Variants in PPP2R2A observed in about 807,000 individuals in gnomAD.
PPP2R2A encodes serine/threonine-protein phosphatase 2A 55 kDa regulatory subunit B alpha isoform.
A neutral mutation model predicts 53.2 loss-of-function variants in PPP2R2A; 9 were observed. That is an observed-to-expected ratio of 0.17 (90% confidence interval 0.10 to 0.30). The LOEUF (loss-of-function observed/expected upper bound fraction) is 0.30, where lower values mean the gene tolerates loss of function less well. Among genes scored for constraint, PPP2R2A ranks in the 10% least tolerant of loss-of-function variants. PPP2R2A has a pLI of 1.00. For missense variants in PPP2R2A, 235 were observed against 534.6 expected (o/e 0.44, Z 5.53); for synonymous variants, 169 against 174.2 (o/e 0.97, Z 0.23).
chr8:26,302,332 A>G (rs1042826169), intron 2 of PPP2R2A, among the ~76,000 whole-genome samples: 2 of 152,232 alleles, frequency 1.3e-5, no homozygotes, highest in Non-Finnish European at 2.9e-5. Flanking sequence ...CAGCCTCCCA[A>G]TACTTAAAAT....
rs1805050760 is a variant in PPP2R2A at position 26,360,912 on chromosome 8, C to T, written c.460-62C>T. 6.8e-7 allele frequency: 1 copy of T among 1,464,224 alleles called. No individual in the cohort carries two copies. Among genetic ancestry groups the T allele is most frequent in the East Asian group, 2.4e-5 (1 of 41,680 alleles). 90.7% of individuals were successfully genotyped at this position (1,464,224 alleles called of 1,614,324 possible). ...ACTGAAATAATGAAGTTTTCTGAATCTTAATTGCTATTTGAAACTGAGCCT... is the reference window on the plus strand; with the variant it reads ...ACTGAAATAATGAAGTTTTCTGAATTTTAATTGCTATTTGAAACTGAGCCT... On this transcript the variant is annotated intron_variant, in intron 5 of 9. Transcript: ENST00000380737. This position sits in a 1 kb window ranked among gnomAD's most constrained non-coding sequence, Gnocchi z 4.5.
chr8:26,327,748 C>T (rs554720688), intron 2 of PPP2R2A, among the ~76,000 whole-genome samples: 3 of 152,162 alleles, frequency 2.0e-5, no homozygotes, highest in South Asian at 2.1e-4. Context: ...GAAATTGGTG[C>T]CTTTGAAAAG....
rs1192319186 is a variant in PPP2R2A, at chr8:26,371,760, C to G, written c.*1347C>G. The G allele has an allele frequency of 1.3e-5, 2 of 152,182 alleles. No homozygotes were observed. Among genetic ancestry groups the G allele is most frequent in the Non-Finnish European group, 2.9e-5 (2 of 68,022 alleles). The allele number at this position is 152,182 out of a possible 1,614,324, so 9.4% of individuals were successfully genotyped here. On this transcript the variant is annotated 3_prime_UTR_variant, in exon 10 of 10. Coordinates refer to ENST00000380737, the MANE Select transcript of PPP2R2A (RefSeq NM_002717.4). ...AAAAGTGCTTAATGAACTCCAACAG[C>G]TGCCTCAAATAAAAATCTGTATATG...
chr8:26,353,206 G>A (rs922768653), intron 3 of PPP2R2A, among the ~76,000 whole-genome samples: 1 of 152,154 alleles, frequency 6.6e-6, no homozygotes, highest in African/African-American at 2.4e-5. Context: ...TGAGACCAAG[G>A]CTCTGAGTCT....
intron 2 of PPP2R2A, among the ~76,000 whole-genome samples, chr8:26,294,662 C>G (rs1563278411): frequency 6.6e-6 from 1 of 151,812 alleles, no homozygotes; most frequent in Non-Finnish European, 1.5e-5. Flanking sequence ...ACCTTTTTTC[C>G]CTAGATTGTG....
rs1801411173 is a variant in PPP2R2A at position 26,293,675 on chromosome 8, G to A, written c.17G>A (p.Gly6Glu). 6.2e-7 allele frequency: 1 copy of A among 1,612,112 alleles called. No individual in the cohort carries two copies. Among genetic ancestry groups the A allele is most frequent in the Non-Finnish European group, 8.5e-7 (1 of 1,179,284 alleles). Residue 6 changes from glycine to glutamate, a missense_variant, in exon 2 of 10, where the codon GGA becomes GAA. By Grantham distance (98) the Gly-to-Glu change is moderately conservative (BLOSUM62 -2). This residue lies in a region of PPP2R2A where 51 missense variants were observed against 80.6 expected (regional missense o/e 0.63). Coordinates refer to ENST00000380737, the MANE Select transcript of PPP2R2A (RefSeq NM_002717.4). Reference protein sequence around the residue: MAGAGGGNDIQWCFSQ... With the variant: MAGAGEGNDIQWCFSQ... ...TGTTTTCTTTTTCCAGGAGCTGGAG[G>A]AGGGAATGATATTCAGTGGTGTTTT... is the stretch of plus-strand genomic sequence containing the variant.
chr8:26,322,892 C>A (rs60255975), intron 2 of PPP2R2A, among the ~76,000 whole-genome samples: 1 of 152,072 alleles, frequency 6.6e-6, no homozygotes, highest in African/African-American at 2.4e-5. Flanking sequence ...TCCATTGAAA[C>A]CACTTTTGCT....
chr8:26,360,374 G>A lies in PPP2R2A; in HGVS notation c.459+93G>A. 5.9e-6 allele frequency: 4 copies of A among 672,284 alleles called. No individual in the cohort carries two copies. Among genetic ancestry groups the A allele is most frequent in the Non-Finnish European group, 1.0e-5 (4 of 398,078 alleles). 41.6% of individuals were successfully genotyped at this position (672,284 alleles called of 1,614,324 possible). The stretch of plus-strand genomic sequence containing the variant: ...CAGAGCTTGAATAGGAATAATTACA[G>A]TCTATCTCCCCTTTCCCAGTAATTC... On this transcript the variant is annotated intron_variant, in intron 5 of 9. Transcript: ENST00000380737. This position sits in a 1 kb window ranked among gnomAD's most constrained non-coding sequence, Gnocchi z 4.5.
rs1490676354 is a variant in PPP2R2A at position 26,370,833 on chromosome 8, T to A, written c.*420T>A. On this transcript the variant is annotated 3_prime_UTR_variant, in exon 10 of 10. Transcript: ENST00000380737. The surrounding 1 kb of genome is among the most constrained non-coding windows in gnomAD (Gnocchi z 6.1). ...GGGGTACACCCCTTCCCCCTTTTTT[T>A]AAATTAAATACAGCTCATTCTTACT... 1.1e-5 allele frequency: 2 copies of A among 178,572 alleles called. No homozygotes were observed. Among genetic ancestry groups the A allele is most frequent in the African/African-American group, 2.4e-5 (1 of 42,174 alleles). The allele number at this position is 178,572 out of a possible 1,614,324, so 11.1% of individuals were successfully genotyped here.
intron 2 of PPP2R2A, among the ~76,000 whole-genome samples, chr8:26,307,561 C>T (rs529630796): frequency 3.9e-4 from 60 of 152,262 alleles, no homozygotes; most frequent in African/African-American, 1.4e-3. Flanking sequence ...CTTAAAATGC[C>T]AAAATGTCAT....
chr8:26,313,815 A>G (rs569091171), intron 2 of PPP2R2A, among the ~76,000 whole-genome samples: 2 of 152,344 alleles, frequency 1.3e-5, no homozygotes, highest in East Asian at 3.9e-4. Flanking sequence ...TAAAGCTTCT[A>G]GAAGGAACCA....
chr8:26,347,459 T>C (rs1395946523), intron 3 of PPP2R2A, among the ~76,000 whole-genome samples: 1 of 151,870 alleles, frequency 6.6e-6, no homozygotes, highest in East Asian at 1.9e-4. Context: ...GTGTAAAATG[T>C]AGAATAAATA....
chr8:26,360,953 T>C lies in PPP2R2A; in HGVS notation c.460-21T>C, dbSNP rs1332473913. The C allele has an allele frequency of 2.5e-6, 4 of 1,569,520 alleles. No individual in the cohort carries two copies. The highest frequency in any genetic ancestry group is 3.4e-6 in the Non-Finnish European group (4 of 1,168,834). On this transcript the variant is annotated intron_variant, in intron 5 of 9. Transcript: ENST00000380737. The surrounding 1 kb of genome is among the most constrained non-coding windows in gnomAD (Gnocchi z 4.5). The stretch of plus-strand genomic sequence containing the variant: ...AACTGAGCCTTTTGTAATTTCTGTT[T>C]TTCATGTGTCTTATTGACAGGTGCC...
Position 26,372,622 on chromosome 8 carries a change from A to G in PPP2R2A, c.*2209A>G, listed in dbSNP as rs1805701613. On this transcript the variant is annotated 3_prime_UTR_variant, in exon 10 of 10. Transcript: ENST00000380737. ...GGTGTAGCAAACTCTAAGCCCAGCC[A>G]CTCATTTTACATGGCCATGGTTAAT... The G allele has an allele frequency of 1.3e-5, 2 of 152,124 alleles. No homozygotes were observed. The highest frequency in any genetic ancestry group is 2.4e-5 in the African/African-American group (1 of 41,420). The allele number at this position is 152,124 out of a possible 1,614,324, so 9.4% of individuals were successfully genotyped here.
chr8:26,358,364 A>C (rs1427573471), intron 4 of PPP2R2A, among the ~76,000 whole-genome samples: 1 of 152,226 alleles, frequency 6.6e-6, no homozygotes, highest in Non-Finnish European at 1.5e-5. Context: ...CTCAGAATAC[A>C]GATTTAGGCT....
chr8:26,341,206 C>G (rs181829345), intron 3 of PPP2R2A, among the ~76,000 whole-genome samples: 2 of 152,296 alleles, frequency 1.3e-5, no homozygotes, highest in Admixed American at 6.5e-5. Context: ...TGACTCTTCA[C>G]TTCTGAAACT....
chr8:26,361,191 ATGT>A, intron 6 of PPP2R2A, 40 bp downstream of exon 6: 1 of 1,512,648 alleles, frequency 6.6e-7, no homozygotes. Context: ...TGAAGAAGGC[ATGT>A]TGTGCCCATA....
At chr8:26,357,068 G>A (rs186578196) in intron 4 of PPP2R2A, among the ~76,000 whole-genome samples, 1 of 152,292 alleles carries the variant, frequency 6.6e-6, no homozygotes, top group East Asian at 1.9e-4. Flanking sequence ...AGAGTCCAAT[G>A]TGGAAGGATA....
Position 26,354,720 on chromosome 8 carries a change from A to G in PPP2R2A, c.346+87A>G, listed in dbSNP as rs796521678. On this transcript the variant is annotated intron_variant, in intron 4 of 9. Transcript: ENST00000380737. The surrounding 1 kb of genome is among the most constrained non-coding windows in gnomAD (Gnocchi z 4.6). The stretch of plus-strand genomic sequence containing the variant: ...GCCTAGGAGAGGAATCATTTAACAG[A>G]GATACTTGTAAAAAGGACTTTTGTT... 1.2e-5 allele frequency: 15 copies of G among 1,211,070 alleles called. No homozygotes were observed. In the African/African-American group the frequency reaches 2.3e-4, roughly 19 times the overall value. 75.0% of individuals were successfully genotyped at this position (1,211,070 alleles called of 1,614,324 possible). A position where few individuals can be genotyped will look rare whatever the true frequency, so the allele number is the denominator to read the frequency against.
Sources: allele counts gnomAD v4.1 joint callset (sites outside exome capture counted in the v4.1 genomes callset), GRCh38; gene constraint gnomAD v4.1.1; regional missense constraint gnomAD v4.1.1; non-coding constraint Gnocchi (gnomAD v3.1); transcripts MANE v1.5; gene names NCBI Gene and HGNC (gene_info 2026-07-23, HGNC 2026-07-21).